Variants in ZNF721 observed in about 807,000 individuals in gnomAD.
ZNF721 encodes zinc finger protein 721.
In ZNF721, 2 loss-of-function variants were observed where a neutral mutation model predicts 2.4. The observed-to-expected ratio is 0.82, with a 90% CI of 0.34 to 2.58. ZNF721 has a LOEUF of 2.58. ZNF721 is among the 30% of genes most tolerant of loss of function. ZNF721 has a pLI of 0.11. For synonymous variants in ZNF721, 398 were observed against 381.8 expected, an observed-to-expected ratio of 1.04 and a Z score of -0.50; for missense variants, 1,187 against 1,085.5, an observed-to-expected ratio of 1.09 and a Z score of -1.31.
intron 1 of ZNF721, among the ~76,000 whole-genome samples, chr4:474,973 G>T (rs997635949): frequency 6.6e-6 from 1 of 152,020 alleles, no homozygotes; most frequent in Admixed American, 6.6e-5. Context: ...TGGATCACGA[G>T]GTCCGGAGAT....
intron 1 of ZNF721, among the ~76,000 whole-genome samples, chr4:478,307 T>C (rs544465625): frequency 1.3e-5 from 2 of 152,278 alleles, no homozygotes; most frequent in African/African-American, 2.4e-5. Flanking sequence ...ACTAAAAATA[T>C]TTCACATAAA....
At chr4:462,377 T>A (rs1165353974) in intron 2 of ZNF721, among the ~76,000 whole-genome samples, 1 of 152,206 alleles carries the variant, frequency 6.6e-6, no homozygotes, top group Non-Finnish European at 1.5e-5. Flanking sequence ...TACCACTGAC[T>A]TTCTTCACAG....
chr4:440,238 C>A lies in ZNF721; in HGVS notation c.*1457G>T, dbSNP rs1714185917. 1 of 152,176 alleles carries A rather than the reference C, an allele frequency of 6.6e-6. No homozygotes were observed. The highest frequency in any genetic ancestry group is 1.5e-5 in the Non-Finnish European group (1 of 68,028). 9.4% of individuals were successfully genotyped at this position (152,176 alleles called of 1,614,324 possible). A position where few individuals can be genotyped will look rare whatever the true frequency, so the allele number is the denominator to read the frequency against. ...GATTTTCCTGGTGCATCTTTTATTT[C>A]TCTTCTCTTTCATGTAGAAGTCTAT... is the stretch of plus-strand genomic sequence containing the variant. On this transcript the variant is annotated 3_prime_UTR_variant, in exon 3 of 3. Coordinates refer to ENST00000511833, the MANE Select transcript of ZNF721 (RefSeq NM_133474.4).
At chr4:445,884 A>C (rs1714456847) in intron 2 of ZNF721, among the ~76,000 whole-genome samples, 1 of 152,226 alleles carries the variant, frequency 6.6e-6, no homozygotes, top group African/African-American at 2.4e-5. Context: ...GTCATTTATA[A>C]GTGTGGTCTT....
At position 442,094 on chromosome 4, in the gene ZNF721, C is replaced by T. The variant is rs371250652; in HGVS notation, c.2373G>A (p.Thr791=). The change falls in exon 3 of 3, where the codon ACG becomes ACA. Residue 791 remains threonine, a synonymous_variant. Coordinates refer to ENST00000511833, the MANE Select transcript of ZNF721 (RefSeq NM_133474.4). ...TATGTTTAGCAAAGCTTGAGGATGACGTAATGACTTTGCCACATTCCTTAC... is the reference window on the plus strand; with the variant it reads ...TATGTTTAGCAAAGCTTGAGGATGATGTAATGACTTTGCCACATTCCTTAC... ...YKCKECGKVI[T]SSSSFAKHKR... 7.1e-5 allele frequency: 114 copies of T among 1,613,684 alleles called. No individual in the cohort carries two copies. Among genetic ancestry groups the T allele is most frequent in the South Asian group, 5.4e-4 (49 of 91,074 alleles).
chr4:441,899 C>A lies in ZNF721; in HGVS notation c.2568G>T (p.Arg856Ser). ...FRQSAILYVH[R>S]RIHTGEKPYT... Reference sequence around the variant, plus strand: ...AGGGTTTCTCTCCAGTATGAATTCTCCTATGTACATAAAGGATTGCTGACT... The same window carrying A: ...AGGGTTTCTCTCCAGTATGAATTCTACTATGTACATAAAGGATTGCTGACT... Residue 856 changes from arginine (R) to serine (S), a missense_variant, in exon 3 of 3, where the codon AGG becomes AGT. Arg to Ser is a moderately radical substitution (Grantham distance 110, BLOSUM62 -1). Coordinates refer to ENST00000511833, the MANE Select transcript of ZNF721 (RefSeq NM_133474.4). The A allele has an allele frequency of 6.2e-7, 1 of 1,613,938 alleles. No homozygotes were observed. The highest frequency in any genetic ancestry group is 8.5e-7 in the Non-Finnish European group (1 of 1,179,918).
intron 1 of ZNF721, among the ~76,000 whole-genome samples, chr4:480,438 AT>A (rs1428205528): frequency 3.9e-5 from 6 of 152,146 alleles, no homozygotes; most frequent in Non-Finnish European, 7.4e-5. Context: ...GTCATCTTTT[AT>A]TTTTTAATGT....
At chr4:492,618 T>C (rs1553871638) in intron 1 of ZNF721, among the ~76,000 whole-genome samples, 1 of 151,482 alleles carries the variant, frequency 6.6e-6, no homozygotes, top group Non-Finnish European at 1.5e-5. Flanking sequence ...TTGGGTTTTT[T>C]TTTTTTTCAT....
At chr4:461,786 T>C (rs1294886988) in intron 2 of ZNF721, among the ~76,000 whole-genome samples, 7 of 152,104 alleles carry the variant, frequency 4.6e-5, no homozygotes, top group Non-Finnish European at 1.0e-4. Context: ...GGCAGGAGAA[T>C]TGCATGAACC....
Position 442,723 on chromosome 4 carries a change from C to G in ZNF721, c.1744G>C (p.Glu582Gln). 6.2e-7 allele frequency: 1 copy of G among 1,614,188 alleles called. No individual in the cohort carries two copies. The highest frequency in any genetic ancestry group is 8.5e-7 in the Non-Finnish European group (1 of 1,180,028). The change falls in exon 3 of 3, where the codon GAG (glutamate) becomes CAG (glutamine). Residue 582 changes from glutamate to glutamine, a missense_variant. Glu to Gln is a conservative substitution (Grantham distance 29). Coordinates refer to ENST00000511833, the MANE Select transcript of ZNF721 (RefSeq NM_133474.4). Reference sequence around the variant, plus strand: ...CACTCTTCACATTTGTAAGGTTTCTCTCCAGTATGAATTCTCCTATGTACA... The same window carrying G: ...CACTCTTCACATTTGTAAGGTTTCTGTCCAGTATGAATTCTCCTATGTACA... ...LYVHRRIHTG[E>Q]KPYKCEECGK... is the part of the protein sequence containing the mutation.
chr4:454,416 T>G (rs1714778419), intron 2 of ZNF721, among the ~76,000 whole-genome samples: 1 of 152,232 alleles, frequency 6.6e-6, no homozygotes, highest in African/African-American at 2.4e-5. Context: ...CAGAGGAATT[T>G]GCTCAGCTGT....
intron 2 of ZNF721, among the ~76,000 whole-genome samples, chr4:462,361 T>A (rs549512981): frequency 2.4e-4 from 37 of 152,320 alleles, no homozygotes; most frequent in African/African-American, 8.2e-4. Context: ...GCTATTCCCA[T>A]CAAGCTACCA....
At chr4:473,008 T>C (rs1222069618) in intron 1 of ZNF721, among the ~76,000 whole-genome samples, 1 of 152,046 alleles carries the variant, frequency 6.6e-6, no homozygotes, top group African/African-American at 2.4e-5. Flanking sequence ...GAAGTCCTCA[T>C]GCTTGACCTT....
At chr4:470,210 C>A (rs1715390129) in intron 2 of ZNF721, among the ~76,000 whole-genome samples, 1 of 152,062 alleles carries the variant, frequency 6.6e-6, no homozygotes, top group Admixed American at 6.6e-5. Flanking sequence ...ATACCATACC[C>A]CAAAATTAAC....
In ZNF721 at chr4:472,676, G is replaced by T; in HGVS notation, c.-68C>A. On this transcript the variant is annotated 5_prime_UTR_variant, in exon 2 of 3. Coordinates refer to ENST00000511833, the MANE Select transcript of ZNF721 (RefSeq NM_133474.4). ...CCACTCTTCTGGAGAGAATTCTATG[G>T]CCACATCCCTGAATGTTAAGGGTTC... 6.2e-7 allele frequency: 1 copy of T among 1,613,278 alleles called. No individual in the cohort carries two copies. Among genetic ancestry groups the T allele is most frequent in the South Asian group, 1.1e-5 (1 of 90,916 alleles).
chr4:492,571 A>G (rs1406348966), intron 1 of ZNF721, among the ~76,000 whole-genome samples: 1 of 151,272 alleles, frequency 6.6e-6, no homozygotes, highest in Non-Finnish European at 1.5e-5. Context: ...AGAGCATTAT[A>G]ATTTCCCTTT....
rs1269328406 is a variant in ZNF721, at chr4:473,866, G to A, written c.-93-1165C>T. 1.7e-5 allele frequency: 23 copies of A among 1,327,460 alleles called. No homozygotes were observed. In the East Asian group the frequency reaches 7.5e-4, roughly 43 times the overall value. The allele number at this position is 1,327,460 out of a possible 1,614,324, so 82.2% of individuals were successfully genotyped here. ...CTCACCGGAGGGGACTGAGGACCGAGGGCTAAGCGGCGGCAGCGGGGACTC... is the reference window on the plus strand; with the variant it reads ...CTCACCGGAGGGGACTGAGGACCGAAGGCTAAGCGGCGGCAGCGGGGACTC... On this transcript the variant is annotated intron_variant, in intron 1 of 2. Transcript: ENST00000511833.
At chr4:466,784 C>G (rs1322804794) in intron 2 of ZNF721, among the ~76,000 whole-genome samples, 1 of 152,168 alleles carries the variant, frequency 6.6e-6, no homozygotes, top group Non-Finnish European at 1.5e-5. Flanking sequence ...ATCCAGTCAC[C>G]TCCCACCAGG....
At chr4:461,723 C>T (rs759837071) in intron 2 of ZNF721, among the ~76,000 whole-genome samples, 1 of 151,912 alleles carries the variant, frequency 6.6e-6, no homozygotes, top group African/African-American at 2.4e-5. Flanking sequence ...AAATACAAAA[C>T]TTAGCCAGGC....
Sources: gnomAD v4.1 joint callset for allele counts (sites outside exome capture counted in the v4.1 genomes callset) on GRCh38, gnomAD v4.1.1 for gene constraint, MANE v1.5 for transcripts, NCBI Gene and HGNC (gene_info 2026-07-23, HGNC 2026-07-21) for gene names.